Variants in GLA observed in about 807,000 individuals in gnomAD.
GLA encodes the protein galactosidase alpha.
In GLA, 4 loss-of-function variants were observed where a neutral mutation model predicts 28.2. That is an observed-to-expected ratio of 0.14 (90% CI 0.07 to 0.32). The LOEUF (loss-of-function observed/expected upper bound fraction) is 0.32, where lower values mean the gene tolerates loss of function less well. GLA is among the 10% of genes least tolerant of loss of function. The pLI, the probability that GLA is intolerant of heterozygous loss-of-function variation, is 1.00. For missense variants in GLA, 203 were observed against 323.7 expected, an observed-to-expected ratio of 0.63 and a Z score of 2.86; for synonymous variants, 94 against 113.0, an observed-to-expected ratio of 0.83 and a Z score of 1.07.
At position 101,401,453 on chromosome X, in the gene GLA, GAATT is replaced by G. The variant is rs200739167; in HGVS notation, c.547+175_547+178del. The G allele has an allele frequency of 4.6e-3, 2,299 of 501,422 alleles. 37 individuals are homozygous for G. The highest frequency in any genetic ancestry group is 0.043 in the African/African-American group (1,833 of 42,142). The allele number at this position is 501,422 out of a possible 1,213,427, so 41.3% of individuals were successfully genotyped here. A position where few individuals can be genotyped will look rare whatever the true frequency, so the allele number is the denominator to read the frequency against. On this transcript the variant is annotated intron_variant, in intron 3 of 6. Transcript: ENST00000218516. ...GGTTAGGTATGCATGGATTTTACATGAATTAATTAATTAATTAATGAACTGAAAG... is the reference window on the plus strand; with the variant it reads ...GGTTAGGTATGCATGGATTTTACATGAATTAATTAATTAATGAACTGAAAG...
Position 101,400,702 on chromosome X carries a change from G to A in GLA, c.603C>T (p.Ser201=). Residue 201 remains serine, a synonymous_variant, in exon 4 of 7, where the codon TCC becomes TCT. Transcript: ENST00000218516. ...GCCACATATAAAGAGGCCACTCACAGGAGTACACAATGCTTCTGCCAGTCC... is the reference window on the plus strand; with the variant it reads ...GCCACATATAAAGAGGCCACTCACAAGAGTACACAATGCTTCTGCCAGTCC... The part of the protein sequence containing the change: ...LNRTGRSIVY[S]CEWPLYMWPF... The A allele has an allele frequency of 8.4e-7, 1 of 1,192,764 alleles. No homozygotes were observed. Among genetic ancestry groups the A allele is most frequent in the Middle Eastern group, 2.3e-4 (1 of 4,318 alleles).
chrX:101,401,847 A>G (rs782118672), intron 2 of GLA, 38 bp from the exon 3 acceptor site: 2 of 1,126,277 alleles, frequency 1.8e-6, no homozygotes, highest in Middle Eastern at 2.5e-4. Context: ...CCATTGTAGA[A>G]GCACAATCGT....
intron 5 of GLA, 60 bp downstream of exon 5, chrX:101,398,725 T>C (rs869312413): frequency 1.7e-6 from 2 of 1,143,773 alleles, no homozygotes; most frequent in Admixed American, 4.4e-5. Flanking sequence ...TTACCTTGAA[T>C]GTCAAAATAG....
At chrX:101,398,728 CAA>C in intron 5 of GLA, 55 bp downstream of exon 5, 8 of 1,157,434 alleles carry the variant, frequency 6.9e-6, no homozygotes, top group Non-Finnish European at 9.5e-6. Flanking sequence ...CCTTGAATGT[CAA>C]AATAGGAAAC....
At chrX:101,407,281 A>G (rs1928549976) in intron 1 of GLA, among the ~76,000 whole-genome samples, 1 of 111,798 alleles carries the variant, frequency 8.9e-6, no homozygotes, top group African/African-American at 3.3e-5. Context: ...TCTAACGGTT[A>G]GCACCCGGCA....
chrX:101,407,185 A>C (rs782158828), intron 1 of GLA, among the ~76,000 whole-genome samples: 21 of 111,883 alleles, frequency 1.9e-4, no homozygotes, highest in Non-Finnish European at 3.9e-4. Flanking sequence ...AACTCCCTCG[A>C]GATACTGCCG....
At chrX:101,402,995 A>G (rs1928367756) in intron 2 of GLA, among the ~76,000 whole-genome samples, 1 of 110,856 alleles carries the variant, frequency 9.0e-6, no homozygotes, top group Non-Finnish European at 1.9e-5. Flanking sequence ...ATGGGCCTCA[A>G]GAGCTATTAC....
rs28935493 is a variant in GLA at position 101,398,074 on chromosome X, C to T, written c.1025G>A (p.Arg342Gln). 1 of 1,210,041 alleles carries T rather than the reference C, an allele frequency of 8.3e-7. No homozygotes were observed. Among genetic ancestry groups the T allele is most frequent in the Non-Finnish European group, 1.1e-6 (1 of 894,994 alleles). The change falls in exon 7 of 7, where the codon CGA (arginine) becomes CAA (glutamine). Residue 342 changes from arginine to glutamine, a missense_variant. Transcript: ENST00000218516. Reference protein sequence around the residue: ...RQGDNFEVWERPLSGLAWAVA... With the variant: ...RQGDNFEVWEQPLSGLAWAVA... ...AGCCCAGGCTAAGCCTGAGAGAGGT[C>T]GTTCCCACACTTCAAAGTTGTCTCC...
In GLA at chrX:101,401,327, C is replaced by T. The variant is rs181544202; in HGVS notation, c.547+305G>A. 28 of 328,725 alleles carry T rather than the reference C, an allele frequency of 8.5e-5. 1 individual carries two copies. The South Asian group carries it at 9.0e-4, about 11-fold the overall frequency. The allele number at this position is 328,725 out of a possible 1,213,427, so 27.1% of individuals were successfully genotyped here. On this transcript the variant is annotated intron_variant, in intron 3 of 6. Coordinates refer to ENST00000218516, the MANE Select transcript of GLA (RefSeq NM_000169.3). ...ATGAAGATGCTTCTTTCTCTGTGAC[C>T]GATTGACAACCTGGACTCCCCTAAA...
At chrX:101,401,092 T>TC in intron 3 of GLA, 1 of 182,146 alleles carries the variant, frequency 5.5e-6, no homozygotes, top group East Asian at 1.4e-4. Context: ...CGCCTCAGCC[T>TC]CCCAAAGTGC....
At chrX:101,400,819 A>T (rs1328631261) in intron 3 of GLA, 62 bp from the exon 4 acceptor site, 6 of 534,886 alleles carry the variant, frequency 1.1e-5, no homozygotes, top group Non-Finnish European at 1.9e-5. Flanking sequence ...GGGGCTATAT[A>T]TATAGTTATT....
intron 2 of GLA, among the ~76,000 whole-genome samples, chrX:101,402,596 C>T (rs1411887562): frequency 9.0e-6 from 1 of 110,629 alleles, no homozygotes; most frequent in East Asian, 2.8e-4. Context: ...AACCTTGTCT[C>T]TACTAAAAAT....
intron 1 of GLA, among the ~76,000 whole-genome samples, chrX:101,405,495 G>A (rs910496389): frequency 3.6e-5 from 4 of 111,728 alleles, no homozygotes; most frequent in Non-Finnish European, 5.6e-5. Context: ...TTATCTTCAG[G>A]TAGGAAAGGA....
rs782144665 is a variant in GLA at position 101,404,545 on chromosome X, G to T, written c.195-560C>A. On this transcript the variant is annotated intron_variant, in intron 1 of 6. Coordinates refer to ENST00000218516, the MANE Select transcript of GLA (RefSeq NM_000169.3). ...ACAAAATCCTTAACAAAGCCCAAGA[G>T]TACTTAGGTTTCCTTTTTATCTTTT... is the stretch of plus-strand genomic sequence containing the variant. 2.9e-5 allele frequency among the ~76,000 whole-genome samples: 3 copies of T among 105,002 alleles called. No individual in the cohort carries two copies. In the South Asian group the frequency reaches 1.3e-3, roughly 45 times the overall value. The allele number at this position is 105,002 out of a possible 115,157, so 91.2% of individuals were successfully genotyped here.
In GLA at chrX:101,403,867, T is replaced by C. The variant is rs782092398; in HGVS notation, c.313A>G (p.Arg105Gly). 1.7e-6 allele frequency: 2 copies of C among 1,211,778 alleles called. No homozygotes were observed. Among genetic ancestry groups the C allele is most frequent in the African/African-American group, 3.4e-5 (2 of 57,982 alleles). The change falls in exon 2 of 7, where the codon AGA becomes GGA. Residue 105 changes from arginine (R) to glycine (G), a missense_variant. Around this residue, in one of 3 missense-constraint regions of GLA, gnomAD observed 162 missense variants for 246.8 expected, o/e 0.66. Transcript: ENST00000218516. ...WMAPQRDSEGRLQADPQRFPH... is the reference protein window; with the variant it reads ...WMAPQRDSEGGLQADPQRFPH... ...AAGCGCTGAGGGTCTGCCTGAAGTC[T>C]GCCTTCTGAATCTCTTTGGGGAGCC...
At chrX:101,405,224 G>T (rs1170443311) in intron 1 of GLA, among the ~76,000 whole-genome samples, 1 of 68,884 alleles carries the variant, frequency 1.5e-5, no homozygotes, top group Non-Finnish European at 2.6e-5. Flanking sequence ...CAACAAGAGC[G>T]AAACTCCAGC....
intron 1 of GLA, among the ~76,000 whole-genome samples, chrX:101,405,397 T>A (rs967944344): frequency 3.6e-5 from 4 of 111,763 alleles, no homozygotes; most frequent in African/African-American, 1.3e-4. Context: ...ATGTGGCATT[T>A]CTGATAGAAG....
At chrX:101,406,205 C>G (rs1368390041) in intron 1 of GLA, among the ~76,000 whole-genome samples, 2 of 94,390 alleles carry the variant, frequency 2.1e-5, no homozygotes, top group Non-Finnish European at 4.2e-5. Context: ...GAGCGAGACC[C>G]CGTCTCAAAA....
At chrX:101,404,082 AC>A in intron 1 of GLA, 97 bp from the exon 2 acceptor site, 1 of 741,968 alleles carries the variant, frequency 1.3e-6, no homozygotes, top group Non-Finnish European at 2.1e-6. Flanking sequence ...ATTTTTTCCA[AC>A]CCAGTAATAG....
Sources: gnomAD v4.1 joint callset for allele counts (sites outside exome capture counted in the v4.1 genomes callset) on GRCh38, gnomAD v4.1.1 for gene constraint, gnomAD v4.1.1 regional missense constraint, MANE v1.5 for transcripts, NCBI Gene and HGNC (gene_info 2026-07-23, HGNC 2026-07-21) for gene names.